The following SORCS1 variants were observed in gnomAD, a reference collection of about 807,000 sequenced individuals.
SORCS1 encodes the protein VPS10 domain-containing receptor SorCS1.
SORCS1 carries 60 observed loss-of-function variants against 146.1 expected under a neutral mutation model. That is an observed-to-expected ratio of 0.41 (90% CI 0.33 to 0.51). The LOEUF (loss-of-function observed/expected upper bound fraction) is 0.51. Among genes scored for constraint, SORCS1 ranks in the 20% least tolerant of loss-of-function variants. SORCS1 has a pLI of 0.21. For synonymous variants in SORCS1, 637 were observed against 584.0 expected (o/e 1.09, Z -1.31); for missense variants, 1,352 against 1,487.6 (o/e 0.91, Z 1.50).
At chr10:106,794,501 C>CTTTTTTTTT (rs35647552) in intron 3 of SORCS1, among the ~76,000 whole-genome samples, 1 of 126,068 alleles carries the variant, frequency 7.9e-6, no homozygotes, top group Non-Finnish European at 1.7e-5. Flanking sequence ...TTTTCTTTTT[C>CTTTTTTTTT]TTTTTTTTTT....
At chr10:106,889,489 C>A (rs1951137713) in intron 2 of SORCS1, among the ~76,000 whole-genome samples, 1 of 152,006 alleles carries the variant, frequency 6.6e-6, no homozygotes, top group African/African-American at 2.4e-5. Context: ...CCCGGCCAGG[C>A]ACGGTGGCTC....
At chr10:106,807,791 T>C (rs1202028195) in intron 3 of SORCS1, among the ~76,000 whole-genome samples, 1 of 152,206 alleles carries the variant, frequency 6.6e-6, no homozygotes, top group East Asian at 1.9e-4. Context: ...TGGAGTGAAG[T>C]CATTTAAGGA....
Position 106,574,265 on chromosome 10 carries a change from T to G in SORCS1, c.*3155A>C, listed in dbSNP as rs569439367. 1 of 152,700 alleles carries G rather than the reference T, an allele frequency of 6.5e-6. No individual in the cohort carries two copies. Among genetic ancestry groups the G allele is most frequent in the South Asian group, 2.1e-4 (1 of 4,822 alleles). The allele number at this position is 152,700 out of a possible 1,614,324, so 9.5% of individuals were successfully genotyped here. On this transcript the variant is annotated 3_prime_UTR_variant, in exon 26 of 26. Coordinates refer to ENST00000263054, the MANE Select transcript of SORCS1 (RefSeq NM_052918.5). Reference sequence around the variant, plus strand: ...GGCAAGGTAGAAAGTGTTGCTTGGGTGGTTCAGGGTAGAACATGCACAGTT... The same window carrying G: ...GGCAAGGTAGAAAGTGTTGCTTGGGGGGTTCAGGGTAGAACATGCACAGTT...
chr10:107,170,199 C>T, the SORCS1 span, among the ~76,000 whole-genome samples: 55 of 152,260 alleles, frequency 3.6e-4, no homozygotes, highest in East Asian at 3.7e-3. Context: ...CTGTCTTTCT[C>T]TAGCCTGTAA....
chr10:106,602,890 T>C (rs1357937640), intron 23 of SORCS1, among the ~76,000 whole-genome samples: 4 of 152,222 alleles, frequency 2.6e-5, no homozygotes, highest in Non-Finnish European at 1.5e-5. Flanking sequence ...ATTTCTATTT[T>C]CTTAAAACTG....
At chr10:106,745,078 A>G (rs887227679) in intron 5 of SORCS1, among the ~76,000 whole-genome samples, 5 of 152,198 alleles carry the variant, frequency 3.3e-5, no homozygotes, top group Non-Finnish European at 5.9e-5. Flanking sequence ...ACAATAGCTC[A>G]GAGCCAGGGC....
chr10:106,625,429 C>G (rs147420210), intron 19 of SORCS1, among the ~76,000 whole-genome samples: 2 of 152,228 alleles, frequency 1.3e-5, no homozygotes, highest in Admixed American at 1.3e-4. Flanking sequence ...TTTCACTGTA[C>G]GTTAAAATCA....
chr10:106,835,648 C>A (rs1166766720), intron 2 of SORCS1, among the ~76,000 whole-genome samples: 6 of 152,130 alleles, frequency 3.9e-5, no homozygotes, highest in Admixed American at 1.3e-4. Context: ...AATAAAGATT[C>A]CACACTCTGC....
chr10:107,143,507 T>G (rs971481170), intron 1 of SORCS1, among the ~76,000 whole-genome samples: 7 of 151,958 alleles, frequency 4.6e-5, no homozygotes, highest in Non-Finnish European at 1.5e-5. Flanking sequence ...CTTCTTTTCT[T>G]TTCTTTTTCT....
At chr10:107,120,641 C>T (rs1363553056) in intron 1 of SORCS1, among the ~76,000 whole-genome samples, 1 of 152,178 alleles carries the variant, frequency 6.6e-6, no homozygotes, top group Non-Finnish European at 1.5e-5. Flanking sequence ...GATCTTTCCA[C>T]CTGTTATTCC....
At chr10:106,922,665 G>A (rs562065639) in intron 2 of SORCS1, among the ~76,000 whole-genome samples, 1 of 152,230 alleles carries the variant, frequency 6.6e-6, no homozygotes, top group South Asian at 2.1e-4. Flanking sequence ...TGGTACACTT[G>A]TTGCAACTGA....
chr10:106,823,432 G>T (rs1409466091), intron 3 of SORCS1, among the ~76,000 whole-genome samples: 1 of 152,164 alleles, frequency 6.6e-6, no homozygotes, highest in East Asian at 1.9e-4. Context: ...TAAATTTATA[G>T]TTAGAGAAAA....
chr10:107,127,128 A>C (rs1966756581), intron 1 of SORCS1, among the ~76,000 whole-genome samples: 1 of 152,070 alleles, frequency 6.6e-6, no homozygotes, highest in South Asian at 2.1e-4. Context: ...AAACAAAAAA[A>C]AATGCTCATG....
chr10:107,013,272 G>T (rs1335691754), intron 1 of SORCS1, among the ~76,000 whole-genome samples: 8 of 152,122 alleles, frequency 5.3e-5, no homozygotes, highest in Non-Finnish European at 2.9e-5. Context: ...GGTAATGTGG[G>T]TCACATTTAA....
At chr10:106,672,513 A>G (rs1851683244) in intron 15 of SORCS1, among the ~76,000 whole-genome samples, 1 of 152,194 alleles carries the variant, frequency 6.6e-6, no homozygotes, top group Non-Finnish European at 1.5e-5. Context: ...ATTGCTAGAT[A>G]AAATTGAAGA....
At chr10:107,069,719 G>T (rs1030446526) in intron 1 of SORCS1, among the ~76,000 whole-genome samples, 7 of 152,154 alleles carry the variant, frequency 4.6e-5, no homozygotes, top group Non-Finnish European at 7.4e-5. Context: ...AGATAAATTC[G>T]TTTTTGTTTG....
intron 1 of SORCS1, 87 bp downstream of exon 1, chr10:107,163,882 T>C: frequency 7.0e-7 from 1 of 1,428,718 alleles, no homozygotes; most frequent in Non-Finnish European, 9.5e-7. Flanking sequence ...GAAACCCTAT[T>C]TCCCCCCAAT....
chr10:106,961,053 C>T (rs996529448), intron 1 of SORCS1, among the ~76,000 whole-genome samples: 6 of 152,170 alleles, frequency 3.9e-5, no homozygotes, highest in African/African-American at 1.4e-4. Flanking sequence ...CTTCTAGCCC[C>T]AACCTCTTTC....
chr10:106,685,567 G>A (rs1852766720), intron 10 of SORCS1, among the ~76,000 whole-genome samples: 1 of 152,168 alleles, frequency 6.6e-6, no homozygotes, highest in African/African-American at 2.4e-5. Context: ...CAGACAAAGA[G>A]AAGGGCATTT....
Sources: allele counts gnomAD v4.1 joint callset (sites outside exome capture counted in the v4.1 genomes callset), GRCh38; gene constraint gnomAD v4.1.1; transcripts MANE v1.5; gene names NCBI Gene and HGNC (gene_info 2026-07-23, HGNC 2026-07-21).